The following SIPA1 variants were observed in gnomAD, a reference collection of about 807,000 sequenced individuals.
SIPA1 encodes signal-induced proliferation-associated protein 1.
In SIPA1, 51 loss-of-function variants were observed where a neutral mutation model predicts 88.1. The ratio of observed to expected loss-of-function variants is 0.58; its 90% CI spans 0.46 to 0.73. The LOEUF (loss-of-function observed/expected upper bound fraction) is 0.73, where lower values mean the gene tolerates loss of function less well. Among genes scored for constraint, SIPA1 ranks in the 30% least tolerant of loss-of-function variants. The pLI is 0.00. For synonymous variants in SIPA1, 681 were observed against 664.8 expected (o/e 1.02, Z -0.37); for missense variants, 1,348 against 1,467.6 (o/e 0.92, Z 1.33).
chr11:65,646,704 T>A lies in SIPA1; in HGVS notation c.1670T>A (p.Leu557Gln). ...TSLDSASRFG[L>Q]PSLGGRRRAA... ...CTGGACTCGGCTTCACGCTTCGGCC[T>A]GCCCTCCCTGGGTGGGAGGCGCCGG... is the stretch of plus-strand genomic sequence containing the variant. The change falls in exon 8 of 16, where the codon CTG (leucine) becomes CAG (glutamine). Residue 557 changes from leucine (L) to glutamine (Q), a missense_variant. This residue lies in a region of SIPA1 where 641 missense variants were observed against 797.7 expected (regional missense o/e 0.80). Coordinates refer to ENST00000534313, the MANE Select transcript of SIPA1 (RefSeq NM_006747.4). The surrounding 1 kb of genome is among the most constrained non-coding windows in gnomAD (Gnocchi z 7.5). 1 of 1,539,642 alleles carries A rather than the reference T, an allele frequency of 6.5e-7. No homozygotes were observed. Among genetic ancestry groups the A allele is most frequent in the Non-Finnish European group, 8.7e-7 (1 of 1,145,128 alleles).
At chr11:65,640,580 C>T (rs1855980550) in intron 1 of SIPA1, among the ~76,000 whole-genome samples, 1 of 152,230 alleles carries the variant, frequency 6.6e-6, no homozygotes, top group African/African-American at 2.4e-5. Flanking sequence ...CTGGCAGTCC[C>T]AGGGCTGCCC....
chr11:65,641,678 G>C, intron 2 of SIPA1, 78 bp downstream of exon 2: 1 of 1,305,402 alleles, frequency 7.7e-7, no homozygotes, highest in Non-Finnish European at 1.1e-6. Flanking sequence ...CACACAGTAG[G>C]GCTCATGAAC....
intron 1 of SIPA1, among the ~76,000 whole-genome samples, chr11:65,639,566 C>T (rs571212770): frequency 4.6e-5 from 7 of 152,218 alleles, no homozygotes; most frequent in Admixed American, 1.3e-4. Flanking sequence ...TCCTCCACCC[C>T]CCTCCGGCCC....
At chr11:65,641,624 G>C in intron 2 of SIPA1, 24 bp downstream of exon 2, 1 of 1,578,584 alleles carries the variant, frequency 6.3e-7, no homozygotes, top group East Asian at 2.2e-5. Context: ...GTTCCAGGGA[G>C]TGGAGGAGGG....
chr11:65,641,041 C>G lies in SIPA1; in HGVS notation c.120C>G (p.Thr40=). Residue 40 remains threonine, a synonymous_variant, in exon 2 of 16, where the codon ACC becomes ACG. Coordinates refer to ENST00000534313, the MANE Select transcript of SIPA1 (RefSeq NM_006747.4). ...CAAGGCCCCCGCTGACACCGCACAC[C>G]TTCGAGCCGAGGCCAGTCCGGGGCC... ...QPARPPLTPH[T]FEPRPVRGPL... The G allele has an allele frequency of 6.3e-7, 1 of 1,593,190 alleles. No individual in the cohort carries two copies. The highest frequency in any genetic ancestry group is 1.1e-5 in the South Asian group (1 of 90,008).
chr11:65,641,657 C>A, intron 2 of SIPA1, 57 bp downstream of exon 2: 1 of 1,439,156 alleles, frequency 6.9e-7, no homozygotes, highest in South Asian at 1.3e-5. Flanking sequence ...AGGTCCCTGT[C>A]ACCTGCAGTG....
chr11:65,648,053 A>G (rs1003683704), intron 9 of SIPA1, among the ~76,000 whole-genome samples: 1 of 151,842 alleles, frequency 6.6e-6, no homozygotes, highest in Non-Finnish European at 1.5e-5. Flanking sequence ...TTCTATTTTT[A>G]GTAGAGATGG....
intron 11 of SIPA1, 37 bp from the exon 12 acceptor site, chr11:65,649,720 G>A: frequency 6.2e-7 from 1 of 1,613,740 alleles, no homozygotes; most frequent in South Asian, 1.1e-5. Context: ...TGGTGACAGT[G>A]GGCATCACTG....
intron 4 of SIPA1, 106 bp from the exon 5 acceptor site, chr11:65,644,849 G>A (rs1231416595): frequency 1.7e-6 from 2 of 1,173,016 alleles, no homozygotes; most frequent in South Asian, 1.5e-5. Flanking sequence ...GTGGCTCAGA[G>A]AGGGCTGGTG....
Position 65,648,417 on chromosome 11 carries a change from C to T in SIPA1, c.2306+759C>T, listed in dbSNP as rs557653582. Among the ~76,000 whole-genome samples, 9 of 152,220 alleles carry T rather than the reference C, an allele frequency of 5.9e-5. No homozygotes were observed. The South Asian group carries it at 1.4e-3, about 25-fold the overall frequency. On this transcript the variant is annotated intron_variant, in intron 9 of 15. Coordinates refer to ENST00000534313, the MANE Select transcript of SIPA1 (RefSeq NM_006747.4). The stretch of plus-strand genomic sequence containing the variant: ...CTGGTCTCTGCCGCAGCTACTCTGT[C>T]GTAGGTAAATGAATAAATAAATGTG...
Position 65,649,789 on chromosome 11 carries a change from C to A in SIPA1, c.2670C>A (p.Asp890Glu). 1 of 1,614,086 alleles carries A rather than the reference C, an allele frequency of 6.2e-7. No individual in the cohort carries two copies. Among genetic ancestry groups the A allele is most frequent in the Non-Finnish European group, 8.5e-7 (1 of 1,180,038 alleles). ...DRPGSPSGSE[D>E]KGNPAPELRA... is the part of the protein sequence containing the mutation. Reference sequence around the variant, plus strand: ...CAGGCAGTCCCAGTGGCTCTGAGGACAAGGGCAACCCGGCGCCGGAGCTGA... The same window carrying A: ...CAGGCAGTCCCAGTGGCTCTGAGGAAAAGGGCAACCCGGCGCCGGAGCTGA... The change falls in exon 12 of 16, where the codon GAC becomes GAA. Residue 890 changes from aspartate to glutamate, a missense_variant. This residue lies in a region of SIPA1 where 615 missense variants were observed against 559.8 expected (regional missense o/e 1.10). Coordinates refer to ENST00000534313, the MANE Select transcript of SIPA1 (RefSeq NM_006747.4).
rs1856215922 is a variant in SIPA1, at chr11:65,649,608, T to G, written c.2573T>G (p.Leu858Arg). The G allele has an allele frequency of 1.2e-6, 2 of 1,613,830 alleles. No homozygotes were observed. Among genetic ancestry groups the G allele is most frequent in the African/African-American group, 2.7e-5 (2 of 74,840 alleles). The change falls in exon 11 of 16, where the codon CTC (leucine) becomes CGC (arginine). Residue 858 changes from leucine to arginine, a missense_variant. By Grantham distance (102) the Leu-to-Arg change is moderately radical. Around this residue, in one of 4 missense-constraint regions of SIPA1, gnomAD observed 615 missense variants for 559.8 expected, o/e 1.10. Transcript: ENST00000534313. ...APVLPNTTPD[L>R]LLATTAKPSV... The stretch of plus-strand genomic sequence containing the variant: ...GTCCTGCCCAACACCACCCCGGACC[T>G]CCTCCTGGCCACCACAGCCAAGCCA...
chr11:65,638,936 C>T (rs930755356), intron 1 of SIPA1, among the ~76,000 whole-genome samples: 1 of 152,198 alleles, frequency 6.6e-6, no homozygotes, highest in African/African-American at 2.4e-5. Flanking sequence ...CTCCCTCATG[C>T]CCTCCTACTC....
intron 1 of SIPA1, 32 bp from the exon 2 acceptor site, chr11:65,640,799 A>C: frequency 1.1e-6 from 1 of 870,434 alleles, no homozygotes; most frequent in African/African-American, 1.8e-5. Flanking sequence ...TTTTCTGCCC[A>C]GGCCCCTCTG....
rs765155736 is a variant in SIPA1, at chr11:65,649,638, T to C, written c.2603T>C (p.Val868Ala). The C allele has an allele frequency of 6.8e-6, 11 of 1,614,054 alleles. No individual in the cohort carries two copies. The East Asian group carries it at 2.2e-4, about 33-fold the overall frequency. ...CTGGCCACCACAGCCAAGCCATCAG[T>C]ACCCAGTGCTGACAGTGAGACACCC... is the stretch of plus-strand genomic sequence containing the variant. ...LLLATTAKPS[V>A]PSADSETPLT... is the part of the protein sequence containing the mutation. The change falls in exon 11 of 16, where the codon GTA (valine) becomes GCA (alanine). Residue 868 changes from valine (V) to alanine (A), a missense_variant. Transcript: ENST00000534313.
rs762693588 is a variant in SIPA1 at position 65,647,474 on chromosome 11, G to A, written c.2122G>A (p.Val708Ile). ...CTTCGAGGTGGACGCCGAGGGATTCGTCACGCACGTGGAGCGCTTCACATT... is the reference window on the plus strand; with the variant it reads ...CTTCGAGGTGGACGCCGAGGGATTCATCACGCACGTGGAGCGCTTCACATT... Reference protein sequence around the residue: ...LGFEVDAEGFVTHVERFTFAE... With the variant: ...LGFEVDAEGFITHVERFTFAE... Residue 708 changes from valine (V) to isoleucine (I), a missense_variant, in exon 9 of 16, where the codon GTC becomes ATC. Around this residue, in one of 4 missense-constraint regions of SIPA1, gnomAD observed 615 missense variants for 559.8 expected, o/e 1.10. Coordinates refer to ENST00000534313, the MANE Select transcript of SIPA1 (RefSeq NM_006747.4). 2.0e-5 allele frequency: 29 copies of A among 1,476,354 alleles called. No individual in the cohort carries two copies. Among genetic ancestry groups the A allele is most frequent in the Non-Finnish European group, 2.5e-5 (28 of 1,122,116 alleles). 91.5% of individuals were successfully genotyped at this position (1,476,354 alleles called of 1,614,324 possible). A position where few individuals can be genotyped will look rare whatever the true frequency, so the allele number is the denominator to read the frequency against.
In SIPA1 at chr11:65,642,588, C is replaced by T; in HGVS notation, c.933C>T (p.Gly311=). ...PQLSPSCLRL[G]SASPKVPRTL... ...TGAGCCCCAGCTGCCTGCGCCTGGG[C>T]TCAGCTTCACCCAAGGTACCACGGA... The change falls in exon 4 of 16, where the codon GGC becomes GGT. Residue 311 remains glycine (G), a synonymous_variant. Coordinates refer to ENST00000534313, the MANE Select transcript of SIPA1 (RefSeq NM_006747.4). This position sits in a 1 kb window ranked among gnomAD's most constrained non-coding sequence, Gnocchi z 6.5. 6.3e-7 allele frequency: 1 copy of T among 1,596,038 alleles called. No homozygotes were observed. Among genetic ancestry groups the T allele is most frequent in the Non-Finnish European group, 8.5e-7 (1 of 1,176,538 alleles).
At chr11:65,644,792 C>T (rs1856074596) in intron 4 of SIPA1, among the ~76,000 whole-genome samples, 163 bp from the exon 5 acceptor site, 1 of 152,102 alleles carries the variant, frequency 6.6e-6, no homozygotes, top group Non-Finnish European at 1.5e-5. Context: ...CACTCCCAAG[C>T]ACGAGGAGCA....
In SIPA1 at chr11:65,647,053, G is replaced by T. The variant is rs1246529576; in HGVS notation, c.2019G>T (p.Val673=). 1.3e-5 allele frequency: 20 copies of T among 1,541,728 alleles called. No individual in the cohort carries two copies. The Admixed American group carries it at 3.9e-4, about 30-fold the overall frequency. The change falls in exon 8 of 16, where the codon GTG becomes GTT. Residue 673 remains valine, a synonymous_variant. Coordinates refer to ENST00000534313, the MANE Select transcript of SIPA1 (RefSeq NM_006747.4). ...CCGGCCAAGCCGTGGGCGAGGTGGTGGCGCGCCTGCAGGTGAGCTGGAGTG... is the reference window on the plus strand; with the variant it reads ...CCGGCCAAGCCGTGGGCGAGGTGGTTGCGCGCCTGCAGGTGAGCTGGAGTG... ...GSPGQAVGEV[V]ARLQLVSRGC... is the part of the protein sequence containing the mutation.
Sources: allele counts gnomAD v4.1 joint callset (sites outside exome capture counted in the v4.1 genomes callset), GRCh38; gene constraint gnomAD v4.1.1; regional missense constraint gnomAD v4.1.1; non-coding constraint Gnocchi (gnomAD v3.1); transcripts MANE v1.5; gene names NCBI Gene and HGNC (gene_info 2026-07-23, HGNC 2026-07-21).